DLGAP1: variants seen among roughly 807,000 people sequenced by gnomAD.
DLGAP1 encodes the protein disks large-associated protein 1.
Under a neutral mutation model 90.8 loss-of-function variants are expected in DLGAP1, and 11 were observed. That is an observed-to-expected ratio of 0.12 (90% CI 0.08 to 0.20). The LOEUF (loss-of-function observed/expected upper bound fraction) is 0.20. Among genes scored for constraint, DLGAP1 ranks in the 10% least tolerant of loss-of-function variants. DLGAP1 has a pLI of 1.00. For synonymous variants in DLGAP1, 558 were observed against 540.7 expected (o/e 1.03, Z -0.44); for missense variants, 1,050 against 1,333.8 (o/e 0.79, Z 3.31).
chr18:3,933,887 T>C (rs2072574519), intron 3 of DLGAP1, among the ~76,000 whole-genome samples: 1 of 152,186 alleles, frequency 6.6e-6, no homozygotes, highest in Non-Finnish European at 1.5e-5. Context: ...AAAGAGACCC[T>C]ATCTTCCTCC....
intron 1 of DLGAP1, among the ~76,000 whole-genome samples, chr18:4,252,230 A>G (rs1598731472): frequency 6.6e-6 from 1 of 152,314 alleles, no homozygotes; most frequent in African/African-American, 2.4e-5. Context: ...GAAGGAAGGT[A>G]TTCTATGGAA....
chr18:3,874,454 T>C, intron 4 of DLGAP1: 1 of 1,436,206 alleles, frequency 7.0e-7, no homozygotes, highest in Non-Finnish European at 9.1e-7. Flanking sequence ...TGAATGGCTT[T>C]ATATGTCAGT....
intron 7 of DLGAP1, among the ~76,000 whole-genome samples, chr18:3,636,913 C>T (rs752783386): frequency 5.4e-5 from 8 of 149,454 alleles, no homozygotes; most frequent in South Asian, 2.1e-4. Context: ...TCAATAGAGA[C>T]GGAGTTTCAC....
intron 5 of DLGAP1, among the ~76,000 whole-genome samples, chr18:3,761,542 C>T (rs887945765): frequency 6.6e-6 from 1 of 151,294 alleles, no homozygotes; most frequent in South Asian, 2.1e-4. Flanking sequence ...GTGATGAGTA[C>T]GAGTGTATCT....
intron 4 of DLGAP1, chr18:3,845,657 T>G: frequency 2.1e-6 from 2 of 951,798 alleles, no homozygotes; most frequent in Non-Finnish European, 2.5e-6. Context: ...GCAGCCCATA[T>G]AGGGGGTAAC....
chr18:4,007,393 C>T (rs1044184677), intron 2 of DLGAP1, among the ~76,000 whole-genome samples: 5 of 152,160 alleles, frequency 3.3e-5, no homozygotes, highest in Non-Finnish European at 7.3e-5. Flanking sequence ...CAGTGGCTCA[C>T]GCCTGTAATC....
At chr18:3,608,848 A>AT (rs1253813375) in intron 7 of DLGAP1, among the ~76,000 whole-genome samples, 2 of 151,958 alleles carry the variant, frequency 1.3e-5, no homozygotes, top group Non-Finnish European at 2.9e-5. Flanking sequence ...GAAACTTTTC[A>AT]TTTTTTTGAG....
Position 3,994,300 on chromosome 18 carries a change from G to A in DLGAP1, c.-73+10816C>T, listed in dbSNP as rs117705093. ...CCTGTCCACAGCTCTAGTGCCCATA[G>A]GCTTGGGGACCCCGTTCCTTCCCTT... On this transcript the variant is annotated intron_variant, in intron 3 of 12. Coordinates refer to ENST00000315677, the MANE Select transcript of DLGAP1 (RefSeq NM_004746.4). Among the ~76,000 whole-genome samples, 171 of 152,342 alleles carry A rather than the reference G, an allele frequency of 1.1e-3. 2 individuals are homozygous for A. The East Asian group carries it at 0.028, about 25-fold the overall frequency.
chr18:4,030,584 G>A (rs963563616), intron 2 of DLGAP1, among the ~76,000 whole-genome samples: 1 of 152,176 alleles, frequency 6.6e-6, no homozygotes, highest in Non-Finnish European at 1.5e-5. Context: ...TTGCCAAGTG[G>A]AGGTAGCTAG....
chr18:4,130,769 A>AAG, intron 2 of DLGAP1, among the ~76,000 whole-genome samples: 1 of 152,270 alleles, frequency 6.6e-6, no homozygotes, highest in South Asian at 2.1e-4. Context: ...CGTTACAGGT[A>AAG]AGGGAAGGCT....
intron 7 of DLGAP1, among the ~76,000 whole-genome samples, chr18:3,692,814 T>G (rs900068107): frequency 3.3e-5 from 5 of 152,146 alleles, no homozygotes; most frequent in Non-Finnish European, 1.5e-5. Context: ...GCTCTGTCCC[T>G]GGAAATTCAA....
intron 1 of DLGAP1, among the ~76,000 whole-genome samples, chr18:4,361,097 T>C (rs2081621252): frequency 6.6e-6 from 1 of 152,132 alleles, no homozygotes; most frequent in Admixed American, 6.6e-5. Context: ...TGTCAAGATT[T>C]TGGAAGAAAC....
At chr18:4,306,136 T>C (rs1200359515) in intron 1 of DLGAP1, among the ~76,000 whole-genome samples, 1 of 151,102 alleles carries the variant, frequency 6.6e-6, no homozygotes, top group Non-Finnish European at 1.5e-5. Flanking sequence ...ATAGGTGATA[T>C]CTGGAAAACT....
At chr18:3,730,325 A>C (rs1435908720) in intron 6 of DLGAP1, among the ~76,000 whole-genome samples, 2 of 152,062 alleles carry the variant, frequency 1.3e-5, no homozygotes, top group African/African-American at 4.8e-5. Flanking sequence ...AAAATTTGCT[A>C]CAGAAATATT....
intron 2 of DLGAP1, among the ~76,000 whole-genome samples, chr18:4,027,503 CAAAAAAAAAAAAAAAAAAAA>C (rs59592467): frequency 7.2e-5 from 4 of 55,580 alleles, no homozygotes; most frequent in African/African-American, 2.0e-4. Flanking sequence ...GACTCCGTCT[CAAAAAAAAAAAAAAAAAAAA>C]AAAAAAAAAA....
intron 8 of DLGAP1, chr18:3,571,219 T>C (rs681056): frequency 0.5 from 75,302 of 151,640 alleles, 19,787 homozygotes; most frequent in East Asian, 0.99. Context: ...ATTTGCTGGA[T>C]GAGATCTTGC....
chr18:4,194,837 G>A (rs1018161052), intron 1 of DLGAP1, among the ~76,000 whole-genome samples: 4 of 152,054 alleles, frequency 2.6e-5, no homozygotes, highest in African/African-American at 7.2e-5. Context: ...GGGACACAAA[G>A]TCACGGTTTT....
chr18:4,024,855 T>G (rs1287925763), intron 2 of DLGAP1, among the ~76,000 whole-genome samples: 1 of 152,108 alleles, frequency 6.6e-6, no homozygotes, highest in African/African-American at 2.4e-5. Context: ...GGAGCTGTGG[T>G]GTTCGAGAGC....
At chr18:4,266,465 T>C (rs900438085) in intron 1 of DLGAP1, among the ~76,000 whole-genome samples, 4 of 152,220 alleles carry the variant, frequency 2.6e-5, no homozygotes, top group Admixed American at 2.0e-4. Flanking sequence ...CCTCGCTAGA[T>C]CAACGGGGAG....
Sources: allele counts gnomAD v4.1 joint callset (sites outside exome capture counted in the v4.1 genomes callset), GRCh38; gene constraint gnomAD v4.1.1; transcripts MANE v1.5; gene names NCBI Gene and HGNC (gene_info 2026-07-23, HGNC 2026-07-21).